OSBPL10: variants seen among roughly 807,000 people sequenced by gnomAD.
OSBPL10 encodes the protein oxysterol-binding protein-related protein 10.
In OSBPL10, 49 loss-of-function variants were observed where a neutral mutation model predicts 81.7. The ratio of observed to expected loss-of-function variants is 0.60; its 90% CI spans 0.48 to 0.76. The LOEUF (loss-of-function observed/expected upper bound fraction) is 0.76. Ranked by LOEUF, OSBPL10 falls within the 30% of genes least tolerant of loss-of-function variation. The probability of loss-of-function intolerance (pLI) is 0.00; values close to 1 mark genes in which losing one functional copy is unlikely to be tolerated. For synonymous variants in OSBPL10, 419 were observed against 383.6 expected (o/e 1.09, Z -1.08); for missense variants, 923 against 987.8 (o/e 0.93, Z 0.88).
At chr3:32,053,155 C>T (rs1699682116) in intron 1 of OSBPL10, among the ~76,000 whole-genome samples, 1 of 151,068 alleles carries the variant, frequency 6.6e-6, no homozygotes, top group South Asian at 2.1e-4. Flanking sequence ...CCAGGTTTTT[C>T]ACCAAAAGTA....
chr3:31,958,956 GA>G (rs1698083937), intron 1 of OSBPL10, among the ~76,000 whole-genome samples: 1 of 152,098 alleles, frequency 6.6e-6, no homozygotes, highest in Admixed American at 6.6e-5. Context: ...CAGCACATGG[GA>G]AACTCATTAA....
intron 8 of OSBPL10, among the ~76,000 whole-genome samples, chr3:31,677,913 C>T (rs11708270): frequency 0.099 from 14,866 of 149,676 alleles, 1,093 homozygotes; most frequent in African/African-American, 0.19. Flanking sequence ...AACCCCGTCT[C>T]TACTAAAAAT....
At chr3:32,010,288 T>C (rs1575084941) in intron 2 of OSBPL10, among the ~76,000 whole-genome samples, 1 of 152,184 alleles carries the variant, frequency 6.6e-6, no homozygotes, top group Non-Finnish European at 1.5e-5. Context: ...TTCTTGGATC[T>C]CCAGCCTCTA....
At chr3:32,034,778 T>C (rs1467732290) in intron 2 of OSBPL10, among the ~76,000 whole-genome samples, 2 of 152,232 alleles carry the variant, frequency 1.3e-5, no homozygotes, top group East Asian at 3.8e-4. Context: ...AAAGTCAGTA[T>C]TGCTGAATTT....
intron 4 of OSBPL10, among the ~76,000 whole-genome samples, chr3:31,802,207 C>T (rs921454586): frequency 4.6e-5 from 7 of 151,420 alleles, no homozygotes; most frequent in African/African-American, 7.3e-5. Flanking sequence ...TATTTCTTAA[C>T]AGGTAACAAG....
intron 1 of OSBPL10, among the ~76,000 whole-genome samples, chr3:32,049,963 TA>T (rs1559555104): frequency 6.6e-6 from 1 of 152,182 alleles, no homozygotes; most frequent in Non-Finnish European, 1.5e-5. Flanking sequence ...AAACTTGTTA[TA>T]GGAATGGTAA....
intron 2 of OSBPL10, among the ~76,000 whole-genome samples, chr3:32,006,767 A>G (rs1699209477): frequency 1.3e-5 from 2 of 152,158 alleles, no homozygotes; most frequent in South Asian, 2.1e-4. Flanking sequence ...GTTCTGCCCC[A>G]TCGGGCTATT....
intron 1 of OSBPL10, among the ~76,000 whole-genome samples, chr3:31,892,701 C>T (rs191374711): frequency 6.6e-6 from 1 of 152,298 alleles, no homozygotes; most frequent in African/African-American, 2.4e-5. Context: ...CAGGGTTCTG[C>T]TGCCTGAGGG....
chr3:31,833,502 C>T (rs1700294409), intron 3 of OSBPL10, among the ~76,000 whole-genome samples: 1 of 152,132 alleles, frequency 6.6e-6, no homozygotes, highest in Non-Finnish European at 1.5e-5. Flanking sequence ...TTCTTAATAT[C>T]ACTGAAAACT....
chr3:31,920,786 G>C (rs369333125), intron 1 of OSBPL10, among the ~76,000 whole-genome samples: 1 of 152,058 alleles, frequency 6.6e-6, no homozygotes, highest in African/African-American at 2.4e-5. Flanking sequence ...CTATTTATTA[G>C]TTCACACCAA....
At chr3:31,954,586 G>A (rs1215678197) in intron 1 of OSBPL10, among the ~76,000 whole-genome samples, 7 of 152,112 alleles carry the variant, frequency 4.6e-5, no homozygotes, top group African/African-American at 1.7e-4. Context: ...ATCTATATTG[G>A]GGGCAGGGGG....
At chr3:31,929,904 C>A (rs1309825312) in intron 1 of OSBPL10, among the ~76,000 whole-genome samples, 1 of 146,738 alleles carries the variant, frequency 6.8e-6, no homozygotes, top group Non-Finnish European at 1.5e-5. Flanking sequence ...GACAGTGAAG[C>A]AAGAAGATGG....
intron 1 of OSBPL10, among the ~76,000 whole-genome samples, chr3:31,958,736 C>T (rs1698077368): frequency 6.6e-6 from 1 of 152,066 alleles, no homozygotes; most frequent in African/African-American, 2.4e-5. Context: ...GTTCCAAAAG[C>T]CTCTAAACTA....
intron 4 of OSBPL10, among the ~76,000 whole-genome samples, chr3:31,763,498 ATTCTTT>A (rs1011678722): frequency 4.9e-4 from 75 of 152,314 alleles, no homozygotes; most frequent in African/African-American, 1.7e-3. Context: ...TTTTATGGAA[ATTCTTT>A]TATTTTGCAA....
chr3:31,833,699 G>GCACACACACA lies in OSBPL10; in HGVS notation c.538-3469_538-3468insTGTGTGTGTG, dbSNP rs1270463379. Among the ~76,000 whole-genome samples, 9 of 118,912 alleles carry GCACACACACA rather than the reference G, an allele frequency of 7.6e-5. No individual in the cohort carries two copies. In the East Asian group the frequency reaches 8.4e-4, roughly 11 times the overall value. 78.0% of individuals were successfully genotyped at this position (118,912 alleles called of 152,430 possible). On this transcript the variant is annotated intron_variant, in intron 3 of 11. Transcript: ENST00000396556. ...AAGATTGTAGGGAAAACACGCACAC[G>GCACACACACA]CACACGCACACACACACACACACAC...
intron 6 of OSBPL10, among the ~76,000 whole-genome samples, chr3:31,731,317 T>A (rs1696964800): frequency 6.6e-6 from 1 of 152,160 alleles, no homozygotes; most frequent in African/African-American, 2.4e-5. Context: ...AGACTTTCCC[T>A]ACTACATGGA....
At chr3:31,833,061 A>G (rs551709875) in intron 3 of OSBPL10, among the ~76,000 whole-genome samples, 1 of 152,320 alleles carries the variant, frequency 6.6e-6, no homozygotes, top group South Asian at 2.1e-4. Context: ...AAATAACCAT[A>G]TAATAATCAC....
chr3:31,746,679 CAAA>C (rs11338301), intron 5 of OSBPL10, among the ~76,000 whole-genome samples: 1 of 134,770 alleles, frequency 7.4e-6, no homozygotes, highest in African/African-American at 2.8e-5. Context: ...AACTCTGTCT[CAAA>C]AAAAAAAAAA....
chr3:32,043,933 A>G (rs1699599039), intron 2 of OSBPL10, among the ~76,000 whole-genome samples: 1 of 152,116 alleles, frequency 6.6e-6, no homozygotes, highest in Admixed American at 6.6e-5. Context: ...GGGAGGGGGC[A>G]AGGGCTGAAA....
Sources: gnomAD v4.1 joint callset for allele counts (sites outside exome capture counted in the v4.1 genomes callset) on GRCh38, gnomAD v4.1.1 for gene constraint, MANE v1.5 for transcripts, NCBI Gene and HGNC (gene_info 2026-07-23, HGNC 2026-07-21) for gene names.